CFDP1: variants seen among roughly 807,000 people sequenced by gnomAD.
CFDP1 encodes the protein heterochromatin-stabilizing protein CFDP1.
In CFDP1, 31 loss-of-function variants were observed where a neutral mutation model predicts 40.1. That is an observed-to-expected ratio of 0.77 (90% CI 0.58 to 1.04). CFDP1 has a LOEUF of 1.04. Among genes scored for constraint, CFDP1 ranks in the 50% least tolerant of loss-of-function variants. The pLI is 0.00. For synonymous variants in CFDP1, 167 were observed against 120.0 expected (o/e 1.39, Z -2.56); for missense variants, 423 against 343.4 (o/e 1.23, Z -1.83).
At chr16:75,418,745 A>C (rs1464572219) in intron 1 of CFDP1, among the ~76,000 whole-genome samples, 1 of 152,084 alleles carries the variant, frequency 6.6e-6, no homozygotes, top group Non-Finnish European at 1.5e-5. Flanking sequence ...AAAAAAAAAA[A>C]AAAAAACTCA....
intron 5 of CFDP1, among the ~76,000 whole-genome samples, chr16:75,361,570 T>C (rs2151532063): frequency 6.6e-6 from 1 of 152,112 alleles, no homozygotes; most frequent in African/African-American, 2.4e-5. Flanking sequence ...TGAGCTGAGA[T>C]CATGCCACTG....
At chr16:75,415,004 A>G (rs1218284450) in intron 1 of CFDP1, among the ~76,000 whole-genome samples, 1 of 152,198 alleles carries the variant, frequency 6.6e-6, no homozygotes, top group African/African-American at 2.4e-5. Flanking sequence ...AACCCTGTTC[A>G]TTGTGACTTT....
chr16:75,345,273 A>G (rs1287172930), intron 5 of CFDP1, among the ~76,000 whole-genome samples: 1 of 152,042 alleles, frequency 6.6e-6, no homozygotes, highest in Admixed American at 6.5e-5. Context: ...CCTGGCCACC[A>G]TAGCAAAACC....
chr16:75,399,826 G>C (rs2079033189), intron 4 of CFDP1, among the ~76,000 whole-genome samples: 1 of 152,244 alleles, frequency 6.6e-6, no homozygotes, highest in South Asian at 2.1e-4. Flanking sequence ...AATCGGCTGG[G>C]CGTGGTGGCT....
chr16:75,378,784 T>C (rs11861100), intron 5 of CFDP1, among the ~76,000 whole-genome samples: 2,361 of 152,062 alleles, frequency 0.016, 60 homozygotes, highest in African/African-American at 0.053. Flanking sequence ...GATATTGGGG[T>C]AAAAACAAAG....
Position 75,424,827 on chromosome 16 carries a change from T to C in CFDP1, c.64+8462A>G, listed in dbSNP as rs548701184. Among the ~76,000 whole-genome samples the C allele has an allele frequency of 2.2e-4, 34 of 151,352 alleles. No homozygotes were observed. In the South Asian group the frequency reaches 6.5e-3, roughly 29 times the overall value. ...TCACCACTAGCATTCAACATCATAC[T>C]GGAAGTATAAAGTACAACAAGGCAA... is the stretch of plus-strand genomic sequence containing the variant. On this transcript the variant is annotated intron_variant, in intron 1 of 6. Coordinates refer to ENST00000283882, the MANE Select transcript of CFDP1 (RefSeq NM_006324.3).
chr16:75,337,872 C>T (rs564372631), intron 5 of CFDP1, among the ~76,000 whole-genome samples: 2 of 152,170 alleles, frequency 1.3e-5, no homozygotes, highest in African/African-American at 4.8e-5. Context: ...CATTGACCAA[C>T]GACTTCAGCA....
At chr16:75,319,888 C>T (rs2078350002) in intron 5 of CFDP1, among the ~76,000 whole-genome samples, 1 of 152,204 alleles carries the variant, frequency 6.6e-6, no homozygotes, top group African/African-American at 2.4e-5. Context: ...TGGATTTCAA[C>T]AAAGAAATAT....
chr16:75,392,858 G>C (rs1440396041), intron 5 of CFDP1, among the ~76,000 whole-genome samples: 2 of 152,190 alleles, frequency 1.3e-5, no homozygotes, highest in African/African-American at 4.8e-5. Flanking sequence ...GCCTTCATCT[G>C]ATTTTATGTC....
intron 4 of CFDP1, among the ~76,000 whole-genome samples, chr16:75,399,228 T>C (rs1306720947): frequency 2.0e-5 from 3 of 152,074 alleles, no homozygotes; most frequent in African/African-American, 7.2e-5. Context: ...CCACTAAATT[T>C]TGAGGTGCTT....
At chr16:75,369,251 G>C (rs1358206609) in intron 5 of CFDP1, among the ~76,000 whole-genome samples, 1 of 152,018 alleles carries the variant, frequency 6.6e-6, no homozygotes, top group African/African-American at 2.4e-5. Context: ...AAAAAAAGTA[G>C]CTTAAAATAC....
chr16:75,364,117 T>TA (rs1218842895), intron 5 of CFDP1, among the ~76,000 whole-genome samples: 2 of 151,188 alleles, frequency 1.3e-5, no homozygotes, highest in African/African-American at 2.4e-5. Flanking sequence ...AAAGTGAAAT[T>TA]AAAAAAACAA....
At chr16:75,429,903 AG>A (rs1196844004) in intron 1 of CFDP1, among the ~76,000 whole-genome samples, 2 of 152,190 alleles carry the variant, frequency 1.3e-5, no homozygotes, top group Admixed American at 6.6e-5. Context: ...CCCATGATGC[AG>A]CCCTCAAGAG....
At chr16:75,333,009 T>C (rs2078458212) in intron 5 of CFDP1, among the ~76,000 whole-genome samples, 1 of 151,944 alleles carries the variant, frequency 6.6e-6, no homozygotes, top group South Asian at 2.1e-4. Flanking sequence ...GGTTTCACCA[T>C]GTTAGCCAGG....
intron 5 of CFDP1, among the ~76,000 whole-genome samples, chr16:75,351,939 T>G (rs1044278379): frequency 3.7e-5 from 5 of 133,422 alleles, no homozygotes; most frequent in African/African-American, 1.5e-4. Context: ...ACCCGGGAGG[T>G]AGAGGTTGCA....
chr16:75,332,814 T>TA (rs1491330165), intron 5 of CFDP1, among the ~76,000 whole-genome samples: 2 of 140,200 alleles, frequency 1.4e-5, no homozygotes, highest in Non-Finnish European at 3.1e-5. Context: ...TTTTTTTTCC[T>TA]TTTTTTTTTT....
rs1262473488 is a variant in CFDP1 at position 75,326,261 on chromosome 16, G to C, written c.651-21079C>G. Among the ~76,000 whole-genome samples, 4 of 152,108 alleles carry C rather than the reference G, an allele frequency of 2.6e-5. 1 individual carries two copies. In the East Asian group the frequency reaches 7.7e-4, roughly 29 times the overall value. ...GGGTTGCTTTTGTTTGTTTGGTTTT[G>C]GAGGGCTAGTTTTAAAGTCATGTAC... On this transcript the variant is annotated intron_variant, in intron 5 of 6. Coordinates refer to ENST00000283882, the MANE Select transcript of CFDP1 (RefSeq NM_006324.3).
chr16:75,413,014 A>C (rs111626573), intron 2 of CFDP1, among the ~76,000 whole-genome samples: 1 of 152,292 alleles, frequency 6.6e-6, no homozygotes, highest in African/African-American at 2.4e-5. Context: ...TCTCCTTCTA[A>C]ATCAGGACCA....
chr16:75,417,830 G>T (rs80206899), intron 1 of CFDP1, among the ~76,000 whole-genome samples: 3 of 151,134 alleles, frequency 2.0e-5, no homozygotes, highest in African/African-American at 7.3e-5. Flanking sequence ...AAAAAAAAAA[G>T]TTCTACTCTG....
Sources: gnomAD v4.1 joint callset for allele counts (sites outside exome capture counted in the v4.1 genomes callset) on GRCh38, gnomAD v4.1.1 for gene constraint, MANE v1.5 for transcripts, NCBI Gene and HGNC (gene_info 2026-07-23, HGNC 2026-07-21) for gene names.